Variants in CHD7 observed in about 807,000 individuals in gnomAD.
CHD7 encodes the protein chromodomain helicase DNA binding protein 7.
Under a neutral mutation model 307.3 loss-of-function variants are expected in CHD7, and 24 were observed. That is an observed-to-expected ratio of 0.08 (90% CI 0.06 to 0.11). The LOEUF is 0.11. Among genes scored for constraint, CHD7 ranks in the 10% least tolerant of loss-of-function variants. CHD7 has a pLI of 1.00. For synonymous variants in CHD7, 1,363 were observed against 1,349.9 expected (o/e 1.01, Z -0.21); for missense variants, 3,106 against 3,727.1 (o/e 0.83, Z 4.34).
intron 13 of CHD7, chr8:60,824,816 G>A (rs1289517801): frequency 6.6e-6 from 1 of 151,976 alleles, no homozygotes; most frequent in Non-Finnish European, 1.5e-5. Context: ...TTTTTCAGCA[G>A]GAGCATCATG....
intron 7 of CHD7, among the ~76,000 whole-genome samples, chr8:60,810,391 GTGTGT>G (rs1482617481): frequency 1.3e-5 from 2 of 151,738 alleles, no homozygotes; most frequent in African/African-American, 4.8e-5. Context: ...GTGTGTGTGT[GTGTGT>G]GTGTGTGTGT....
chr8:60,710,962 A>G (rs1807256850), intron 1 of CHD7, among the ~76,000 whole-genome samples: 1 of 152,246 alleles, frequency 6.6e-6, no homozygotes, highest in African/African-American at 2.4e-5. Context: ...GTAATAAAAC[A>G]TATTTTTTTA....
intron 1 of CHD7, among the ~76,000 whole-genome samples, chr8:60,738,378 A>G (rs1218974271): frequency 6.6e-6 from 1 of 152,236 alleles, no homozygotes; most frequent in East Asian, 1.9e-4. Flanking sequence ...ATTAAAATGT[A>G]GCTACTAGAA....
chr8:60,841,939 G>C lies in CHD7; in HGVS notation c.4737G>C (p.Leu1579Phe), dbSNP rs560808712. 1.9e-6 allele frequency: 3 copies of C among 1,612,592 alleles called. No homozygotes were observed. Among genetic ancestry groups the C allele is most frequent in the Non-Finnish European group, 2.5e-6 (3 of 1,179,182 alleles). Residue 1579 changes from leucine (L) to phenylalanine (F), a missense_variant, in exon 21 of 38, where the codon TTG (leucine) becomes TTC (phenylalanine). Physicochemically the swap from Leu to Phe is conservative, Grantham distance 22. This residue lies in a region of CHD7 where 122 missense variants were observed against 124.5 expected (regional missense o/e 0.98). Coordinates refer to ENST00000423902, the MANE Select transcript of CHD7 (RefSeq NM_017780.4). The part of the protein sequence containing the change: ...KEDELMEFSD[L>F]ESDSEEKPCA... ...ATGAGCTGATGGAGTTCTCAGACTT[G>C]GAAAGTGATTCTGAAGAAAAGCCCT...
Position 60,845,757 on chromosome 8 carries a change from T to G in CHD7, c.5210+348T>G, listed in dbSNP as rs372709772. Reference sequence around the variant, plus strand: ...GATACACAACACAACGTTTACCATTTTTACCATTTATAAGTGAACAATTCA... The same window carrying G: ...GATACACAACACAACGTTTACCATTGTTACCATTTATAAGTGAACAATTCA... On this transcript the variant is annotated intron_variant, in intron 23 of 37. Transcript: ENST00000423902. 2.0e-4 allele frequency among the ~76,000 whole-genome samples: 31 copies of G among 152,358 alleles called. 1 individual carries two copies. The East Asian group carries it at 4.0e-3, about 20-fold the overall frequency.
At chr8:60,717,024 A>G (rs991476192) in intron 1 of CHD7, among the ~76,000 whole-genome samples, 10 of 133,736 alleles carry the variant, frequency 7.5e-5, no homozygotes, top group Admixed American at 6.1e-4. Context: ...TGTTACATCT[A>G]CCTTAAGCCT....
rs753687437 is a variant in CHD7 at position 60,795,012 on chromosome 8, G to A, written c.2123G>A (p.Ser708Asn). 28 of 1,613,668 alleles carry A rather than the reference G, an allele frequency of 1.7e-5. No individual in the cohort carries two copies. In the South Asian group the frequency reaches 3.0e-4, roughly 17 times the overall value. Residue 708 changes from serine to asparagine, a missense_variant, in exon 4 of 38, where the codon AGT (serine) becomes AAT (asparagine). Ser to Asn is a conservative substitution (Grantham distance 46, BLOSUM62 1). This residue lies in a region of CHD7 where 998 missense variants were observed against 1,004.5 expected (regional missense o/e 0.99). Coordinates refer to ENST00000423902, the MANE Select transcript of CHD7 (RefSeq NM_017780.4). ...AATAAGAAACCTGACTCAGAAGCAA[G>A]TGCTTTGAAGAAAAAGGTCAACAAG... ...SSNKKPDSEA[S>N]ALKKKVNKGK... is the part of the protein sequence containing the mutation.
intron 24 of CHD7, 40 bp from the exon 25 acceptor site, chr8:60,849,011 T>C: frequency 6.7e-7 from 1 of 1,487,776 alleles, no homozygotes; most frequent in South Asian, 1.1e-5. Flanking sequence ...CTTGGAATTC[T>C]TTTTTAATAC....
In CHD7 at chr8:60,741,722, G is replaced by A. The variant is rs1809028585; in HGVS notation, c.290G>A (p.Gly97Glu). 6.2e-7 allele frequency: 1 copy of A among 1,613,984 alleles called. No homozygotes were observed. Among genetic ancestry groups the A allele is most frequent in the Non-Finnish European group, 8.5e-7 (1 of 1,179,870 alleles). Residue 97 changes from glycine (G) to glutamate (E), a missense_variant, in exon 2 of 38, where the codon GGA becomes GAA. Physicochemically the swap from Gly to Glu is moderately conservative, Grantham distance 98. Transcript: ENST00000423902. ...NRMMSNTPGN[G>E]LASPHSQYHT... ...ATGATGAGCAACACCCCTGGGAACG[G>A]ACTCGCGTCTCCGCACTCGCAGTAT...
intron 29 of CHD7, 55 bp downstream of exon 29, chr8:60,852,302 T>C: frequency 6.7e-7 from 1 of 1,495,646 alleles, no homozygotes; most frequent in Non-Finnish European, 9.2e-7. Context: ...TCTGCCCTGC[T>C]CCTGTAGACC....
At chr8:60,805,075 C>T (rs1338284496) in intron 6 of CHD7, among the ~76,000 whole-genome samples, 1 of 152,052 alleles carries the variant, frequency 6.6e-6, no homozygotes, top group African/African-American at 2.4e-5. Flanking sequence ...TTATTCATTG[C>T]CTATGCCTGT....
At chr8:60,707,427 T>C (rs1387543624) in intron 1 of CHD7, among the ~76,000 whole-genome samples, 1 of 152,204 alleles carries the variant, frequency 6.6e-6, no homozygotes, top group Non-Finnish European at 1.5e-5. Context: ...CTGTCTGACC[T>C]AGTTCACACA....
intron 2 of CHD7, among the ~76,000 whole-genome samples, chr8:60,759,529 C>G (rs545527011): frequency 6.6e-6 from 1 of 151,072 alleles, no homozygotes; most frequent in South Asian, 2.1e-4. Flanking sequence ...CTCTTTCTCT[C>G]AGTCTCTCTC....
Position 60,795,013 on chromosome 8 carries a change from T to C in CHD7, c.2124T>C (p.Ser708=), listed in dbSNP as rs79302359. The part of the protein sequence containing the change: ...SSNKKPDSEA[S]ALKKKVNKGK... ...ATAAGAAACCTGACTCAGAAGCAAGTGCTTTGAAGAAAAAGGTCAACAAGG... is the reference window on the plus strand; with the variant it reads ...ATAAGAAACCTGACTCAGAAGCAAGCGCTTTGAAGAAAAAGGTCAACAAGG... Residue 708 remains serine, a synonymous_variant, in exon 4 of 38, where the codon AGT becomes AGC. Coordinates refer to ENST00000423902, the MANE Select transcript of CHD7 (RefSeq NM_017780.4). 7.7e-3 allele frequency: 12,419 copies of C among 1,613,616 alleles called. 307 individuals carry two copies. Among genetic ancestry groups the C allele is most frequent in the African/African-American group, 0.055 (4,158 of 74,998 alleles).
intron 1 of CHD7, among the ~76,000 whole-genome samples, chr8:60,699,372 C>T (rs1449121144): frequency 6.6e-6 from 1 of 152,122 alleles, no homozygotes; most frequent in Non-Finnish European, 1.5e-5. Context: ...TGATATAACC[C>T]AATATCTTAA....
At chr8:60,753,940 A>C (rs1181733160) in intron 2 of CHD7, among the ~76,000 whole-genome samples, 1 of 152,164 alleles carries the variant, frequency 6.6e-6, no homozygotes, top group Non-Finnish European at 1.5e-5. Context: ...TCATTAAATC[A>C]GTTTTAATAA....
chr8:60,767,307 T>C (rs1810517657), intron 2 of CHD7, among the ~76,000 whole-genome samples: 2 of 152,066 alleles, frequency 1.3e-5, no homozygotes, highest in Admixed American at 6.5e-5. Flanking sequence ...AGAGGCTCAG[T>C]AGATGCTTGA....
intron 2 of CHD7, among the ~76,000 whole-genome samples, chr8:60,779,313 C>G (rs1296054934): frequency 1.3e-5 from 2 of 152,128 alleles, no homozygotes; most frequent in African/African-American, 4.8e-5. Flanking sequence ...TTCTCTTACA[C>G]CAGTGCAATT....
chr8:60,838,367 C>T (rs1804829904), intron 19 of CHD7, 112 bp downstream of exon 19: 1 of 947,164 alleles, frequency 1.1e-6, no homozygotes, highest in Non-Finnish European at 1.6e-6. Flanking sequence ...TCAAATTAAT[C>T]ATTAACTCCC....
Sources: allele counts gnomAD v4.1 joint callset (sites outside exome capture counted in the v4.1 genomes callset), GRCh38; gene constraint gnomAD v4.1.1; regional missense constraint gnomAD v4.1.1; transcripts MANE v1.5; gene names NCBI Gene and HGNC (gene_info 2026-07-23, HGNC 2026-07-21).